Variants in BBS9 observed in about 807,000 individuals in gnomAD.
The protein encoded by BBS9 is protein PTHB1.
A neutral mutation model predicts 117.7 loss-of-function variants in BBS9; 89 were observed. The ratio of observed to expected loss-of-function variants is 0.76; its 90% confidence interval spans 0.64 to 0.90. BBS9 has a LOEUF of 0.90. BBS9 is among the 40% of genes least tolerant of loss of function. The probability of loss-of-function intolerance (pLI) is 0.00; values close to 1 mark genes in which losing one functional copy is unlikely to be tolerated. For missense variants in BBS9, 982 were observed against 1,042.2 expected, an observed-to-expected ratio of 0.94 and a Z score of 0.80; for synonymous variants, 379 against 370.9, an observed-to-expected ratio of 1.02 and a Z score of -0.25.
At chr7:33,387,593 G>C (rs1826252034) in intron 18 of BBS9, among the ~76,000 whole-genome samples, 2 of 151,988 alleles carry the variant, frequency 1.3e-5, no homozygotes, top group Admixed American at 1.3e-4. Context: ...ACTAATAAAG[G>C]CCTTTCCTAT....
chr7:33,177,299 T>C (rs1345251400), intron 4 of BBS9, among the ~76,000 whole-genome samples, 179 bp from the exon 5 acceptor site: 1 of 152,210 alleles, frequency 6.6e-6, no homozygotes, highest in African/African-American at 2.4e-5. Flanking sequence ...ATGTAAATTG[T>C]TTTAACTGTA....
In BBS9 at chr7:33,273,008, G is replaced by A; in HGVS notation, c.703-4G>A. On this transcript the variant is annotated splice_polypyrimidine_tract_variant and splice_region_variant and intron_variant, in intron 7 of 22. Transcript: ENST00000242067. Reference sequence around the variant, plus strand: ...CTAAATTGATATTGAGTTTTGCTTTGTAGGTGGATTGGACTCTAAATATTG... The same window carrying A: ...CTAAATTGATATTGAGTTTTGCTTTATAGGTGGATTGGACTCTAAATATTG... 6.2e-7 allele frequency: 1 copy of A among 1,613,572 alleles called. No individual in the cohort carries two copies. The highest frequency in any genetic ancestry group is 2.2e-5 in the East Asian group (1 of 44,808).
intron 19 of BBS9, among the ~76,000 whole-genome samples, chr7:33,437,262 A>G (rs2128889863): frequency 6.6e-6 from 1 of 152,350 alleles, no homozygotes; most frequent in Admixed American, 6.5e-5. Context: ...CTTTGGAGTC[A>G]GAGCATGGCT....
At chr7:33,622,212 T>C (rs1046675531) in intron 21 of BBS9, among the ~76,000 whole-genome samples, 2 of 150,942 alleles carry the variant, frequency 1.3e-5, no homozygotes, top group African/African-American at 4.9e-5. Context: ...TCTCAAAAAA[T>C]AAAAACAAAA....
intron 4 of BBS9, among the ~76,000 whole-genome samples, chr7:33,161,311 C>A (rs566467582): frequency 1.3e-5 from 2 of 152,144 alleles, no homozygotes; most frequent in Non-Finnish European, 2.9e-5. Context: ...TGATGTTCCC[C>A]ACCCTGTGTC....
At chr7:33,528,883 G>A (rs543374027) in intron 20 of BBS9, among the ~76,000 whole-genome samples, 2 of 152,294 alleles carry the variant, frequency 1.3e-5, no homozygotes, top group South Asian at 4.1e-4. Context: ...TACTTTGGTC[G>A]ATACCCTAGG....
chr7:33,178,445 T>G (rs1441240883), intron 5 of BBS9, among the ~76,000 whole-genome samples: 1 of 152,170 alleles, frequency 6.6e-6, no homozygotes, highest in Non-Finnish European at 1.5e-5. Flanking sequence ...TGCTTGCTTG[T>G]GTACACTCTT....
intron 20 of BBS9, among the ~76,000 whole-genome samples, chr7:33,508,176 A>G (rs570473563): frequency 1.3e-5 from 2 of 152,320 alleles, no homozygotes; most frequent in East Asian, 1.9e-4. Context: ...ATATGTGCCT[A>G]TCTTCCAGTG....
At chr7:33,426,440 T>C (rs1833670712) in intron 19 of BBS9, among the ~76,000 whole-genome samples, 1 of 152,122 alleles carries the variant, frequency 6.6e-6, no homozygotes, top group Non-Finnish European at 1.5e-5. Context: ...TTCTAGGAAA[T>C]AAATGGGAAA....
At chr7:33,625,743 T>C (rs1397739633) in intron 21 of BBS9, among the ~76,000 whole-genome samples, 1 of 152,236 alleles carries the variant, frequency 6.6e-6, no homozygotes, top group Non-Finnish European at 1.5e-5. Flanking sequence ...GTAATGCTGA[T>C]ATTTTTCCTC....
At chr7:33,159,226 G>A (rs1317057598) in intron 4 of BBS9, among the ~76,000 whole-genome samples, 1 of 152,140 alleles carries the variant, frequency 6.6e-6, no homozygotes, top group Non-Finnish European at 1.5e-5. Flanking sequence ...AATTTTGAGA[G>A]ATTGACCACA....
intron 16 of BBS9, among the ~76,000 whole-genome samples, chr7:33,363,091 A>G (rs1036904723): frequency 4.6e-5 from 7 of 152,122 alleles, no homozygotes; most frequent in African/African-American, 1.7e-4. Context: ...TTGCTAATAC[A>G]TAGAAATACA....
chr7:33,521,835 C>T (rs148149818), intron 20 of BBS9, among the ~76,000 whole-genome samples: 3,187 of 150,628 alleles, frequency 0.021, 41 homozygotes, highest in East Asian at 0.043. Context: ...CATGCTGGTG[C>T]GCTGCACACA....
At chr7:33,437,462 A>C (rs977489868) in intron 19 of BBS9, among the ~76,000 whole-genome samples, 4 of 152,194 alleles carry the variant, frequency 2.6e-5, no homozygotes, top group African/African-American at 4.8e-5. Context: ...TCTGAGGGGA[A>C]AATTCTTTTG....
At chr7:33,176,551 A>G (rs1215488912) in intron 4 of BBS9, among the ~76,000 whole-genome samples, 1 of 152,222 alleles carries the variant, frequency 6.6e-6, no homozygotes, top group Non-Finnish European at 1.5e-5. Flanking sequence ...ATCTCAGTGT[A>G]TGTTGGTAAA....
chr7:33,429,121 T>C (rs1209254066), intron 19 of BBS9, among the ~76,000 whole-genome samples: 1 of 152,186 alleles, frequency 6.6e-6, no homozygotes, highest in Admixed American at 6.5e-5. Context: ...TAGTGGAGCA[T>C]GTATTAACTT....
rs377569979 is a variant in BBS9 at position 33,315,166 on chromosome 7, G to A, written c.1017-21275G>A. The stretch of plus-strand genomic sequence containing the variant: ...CAGAAATTTATTCTCTCACGGTTCT[G>A]GAGGACAGACTCCAAAATCAAGGTG... On this transcript the variant is annotated intron_variant, in intron 9 of 22. Coordinates refer to ENST00000242067, the MANE Select transcript of BBS9 (RefSeq NM_198428.3). Among the ~76,000 whole-genome samples, 4 of 152,248 alleles carry A rather than the reference G, an allele frequency of 2.6e-5. No homozygotes were observed. The East Asian group carries it at 7.7e-4, about 29-fold the overall frequency.
rs371090569 is a variant in BBS9, at chr7:33,628,824, A to G, written c.2522-6353A>G. Among the ~76,000 whole-genome samples, 54 of 152,384 alleles carry G rather than the reference A, an allele frequency of 3.5e-4. 1 individual carries two copies. The Middle Eastern group carries it at 0.01, about 29-fold the overall frequency. On this transcript the variant is annotated intron_variant, in intron 21 of 21. Coordinates refer to the BBS9 transcript ENST00000671952. ...GAATAACTGAATTTAACAAAGTTGCAGAATACAAGCTTAATGTAAACACTT... is the reference window on the plus strand; with the variant it reads ...GAATAACTGAATTTAACAAAGTTGCGGAATACAAGCTTAATGTAAACACTT...
chr7:33,586,689 T>G (rs553355626), intron 21 of BBS9, among the ~76,000 whole-genome samples: 1 of 152,096 alleles, frequency 6.6e-6, no homozygotes. Context: ...GTGGTACATA[T>G]GCACCATGGA....
Sources: gnomAD v4.1 joint callset for allele counts (sites outside exome capture counted in the v4.1 genomes callset) on GRCh38, gnomAD v4.1.1 for gene constraint, MANE v1.5 for transcripts, NCBI Gene and HGNC (gene_info 2026-07-23, HGNC 2026-07-21) for gene names.